The following FAM20A variants were observed in gnomAD, a reference collection of about 807,000 sequenced individuals.
FAM20A encodes the protein pseudokinase FAM20A.
FAM20A carries 42 observed loss-of-function variants against 52.0 expected under a neutral mutation model. The ratio of observed to expected loss-of-function variants is 0.81; its 90% confidence interval spans 0.63 to 1.04. The LOEUF (loss-of-function observed/expected upper bound fraction) is 1.04. FAM20A is among the 50% of genes least tolerant of loss of function. FAM20A has a pLI of 0.00. For synonymous variants in FAM20A, 304 were observed against 298.9 expected (o/e 1.02, Z -0.18); for missense variants, 742 against 712.7 (o/e 1.04, Z -0.47).
intron 1 of FAM20A, among the ~76,000 whole-genome samples, chr17:68,579,617 A>T (rs560117240): frequency 3.3e-5 from 5 of 152,300 alleles, no homozygotes; most frequent in South Asian, 2.1e-4. Context: ...TAATCCTGAA[A>T]TCGGAGTGGC....
chr17:68,585,662 C>A (rs1261702839), intron 1 of FAM20A, among the ~76,000 whole-genome samples: 1 of 152,092 alleles, frequency 6.6e-6, no homozygotes, highest in East Asian at 1.9e-4. Flanking sequence ...GGAGGGCTGC[C>A]CAAAGAATGT....
chr17:68,598,436 T>G (rs2088519076), intron 1 of FAM20A, among the ~76,000 whole-genome samples: 1 of 152,334 alleles, frequency 6.6e-6, no homozygotes, highest in African/African-American at 2.4e-5. Context: ...TTAACATTTA[T>G]AAGTGCAGCG....
At chr17:68,548,861 C>G (rs1051994363) in intron 4 of FAM20A, among the ~76,000 whole-genome samples, 1 of 150,720 alleles carries the variant, frequency 6.6e-6, no homozygotes, top group African/African-American at 2.4e-5. Context: ...GCCTCCCGAG[C>G]AGCTGGGACT....
intron 1 of FAM20A, among the ~76,000 whole-genome samples, chr17:68,585,164 G>A (rs11655628): frequency 0.17 from 25,392 of 152,142 alleles, 2,442 homozygotes; most frequent in East Asian, 0.35. Flanking sequence ...CTGGCCCTTA[G>A]ACCTGTGGCT....
At chr17:68,542,848 CAG>C in intron 5 of FAM20A, 39 bp from the exon 6 acceptor site, 2 of 1,504,492 alleles carry the variant, frequency 1.3e-6, no homozygotes, top group Non-Finnish European at 9.2e-7. Flanking sequence ...GAGGGATGAT[CAG>C]GGAGTGAGGA....
chr17:68,568,349 T>C (rs1379322700), intron 1 of FAM20A, among the ~76,000 whole-genome samples: 6 of 151,574 alleles, frequency 4.0e-5, no homozygotes, highest in Admixed American at 3.9e-4. Context: ...GCGCCTGTAG[T>C]CCCAGCTACT....
In FAM20A at chr17:68,536,879, T is replaced by C. The variant is rs1471581108; in HGVS notation, c.*598A>G. 2 of 454,164 alleles carry C rather than the reference T, an allele frequency of 4.4e-6. No individual in the cohort carries two copies. The highest frequency in any genetic ancestry group is 8.8e-6 in the Non-Finnish European group (2 of 226,804). The allele number at this position is 454,164 out of a possible 1,614,324, so 28.1% of individuals were successfully genotyped here. A position where few individuals can be genotyped will look rare whatever the true frequency, so the allele number is the denominator to read the frequency against. On this transcript the variant is annotated 3_prime_UTR_variant, in exon 11 of 11. Transcript: ENST00000592554. The stretch of plus-strand genomic sequence containing the variant: ...CAAATCCCTCTTTTATTTTTGCCAC[T>C]TGTTATAATATCTCTAAGAAGTTAC...
chr17:68,541,136 G>T, intron 7 of FAM20A, 178 bp from the exon 8 acceptor site: 1 of 824,862 alleles, frequency 1.2e-6, no homozygotes. Context: ...CATATTCCGT[G>T]TGGTGAGAAG....
intron 1 of FAM20A, among the ~76,000 whole-genome samples, chr17:68,595,888 C>T (rs1025788773): frequency 5.3e-5 from 8 of 152,146 alleles, no homozygotes; most frequent in Non-Finnish European, 1.2e-4. Flanking sequence ...CATGGGGGAG[C>T]TGGGGCAGGG....
At position 68,542,158 on chromosome 17, in the gene FAM20A, G is replaced by A. The variant is rs367996001; in HGVS notation, c.936C>T (p.Asn312=). Reference sequence around the variant, plus strand: ...ATGGACACTTGGCGAAGAAGCACACGTTGCTCGCTGGAGGATGGGGAGGAG... The same window carrying A: ...ATGGACACTTGGCGAAGAAGCACACATTGCTCGCTGGAGGATGGGGAGGAG... ...QSVFFVSPAS[N]VCFFAKCPYM... The change falls in exon 7 of 11, where the codon AAC becomes AAT. Residue 312 remains asparagine, a synonymous_variant. Transcript: ENST00000592554. 15 of 1,613,796 alleles carry A rather than the reference G, an allele frequency of 9.3e-6. No individual in the cohort carries two copies. The African/African-American group carries it at 1.2e-4, about 13-fold the overall frequency.
At chr17:68,591,893 TC>T (rs1487768274) in intron 1 of FAM20A, 1 of 152,236 alleles carries the variant, frequency 6.6e-6, no homozygotes, top group African/African-American at 2.4e-5. Context: ...CTTTCTTTTT[TC>T]CTTTTTGCCC....
intron 1 of FAM20A, among the ~76,000 whole-genome samples, chr17:68,571,221 A>T (rs1196283600): frequency 1.3e-5 from 2 of 152,218 alleles, no homozygotes; most frequent in Non-Finnish European, 2.9e-5. Context: ...AAAGAGCTGG[A>T]GCCATGTGCT....
At chr17:68,589,593 G>T (rs2088246880) in intron 1 of FAM20A, among the ~76,000 whole-genome samples, 1 of 151,962 alleles carries the variant, frequency 6.6e-6, no homozygotes, top group Non-Finnish European at 1.5e-5. Flanking sequence ...TCTTGGGTTT[G>T]GGCACATCAA....
rs1260126111 is a variant in FAM20A at position 68,535,396 on chromosome 17, G to T, written c.*2081C>A. The T allele has an allele frequency of 4.4e-6, 2 of 454,014 alleles. No homozygotes were observed. The highest frequency in any genetic ancestry group is 4.0e-5 in the African/African-American group (2 of 49,994). 28.1% of individuals were successfully genotyped at this position (454,014 alleles called of 1,614,324 possible). On this transcript the variant is annotated 3_prime_UTR_variant, in exon 11 of 11. Transcript: ENST00000592554. ...GGAAAACCAGTCCTTCGTTATAGGA[G>T]GTGGCGGGTTTTGAGGTAGAGCTGT...
chr17:68,591,244 G>A (rs972086178), intron 1 of FAM20A, among the ~76,000 whole-genome samples: 4 of 152,092 alleles, frequency 2.6e-5, no homozygotes, highest in Non-Finnish European at 4.4e-5. Flanking sequence ...GTAGCTGGGC[G>A]CCCGCCGCCA....
intron 1 of FAM20A, among the ~76,000 whole-genome samples, chr17:68,584,426 A>G (rs1045120005): frequency 6.6e-6 from 1 of 152,256 alleles, no homozygotes; most frequent in African/African-American, 2.4e-5. Context: ...AAAAGGCATT[A>G]AGTGGTGTTA....
intron 1 of FAM20A, among the ~76,000 whole-genome samples, chr17:68,582,026 C>T (rs2952309): frequency 0.012 from 1,780 of 152,146 alleles, 36 homozygotes; most frequent in African/African-American, 0.039. Flanking sequence ...GAGTAAGTGC[C>T]GCACAAGTGT....
chr17:68,597,757 G>C (rs1330859937), intron 1 of FAM20A, among the ~76,000 whole-genome samples: 2 of 152,152 alleles, frequency 1.3e-5, no homozygotes, highest in Non-Finnish European at 2.9e-5. Context: ...TCTGTGAAGA[G>C]AAAAACAATT....
chr17:68,548,882 A>G (rs1046070798), intron 4 of FAM20A, among the ~76,000 whole-genome samples: 12 of 151,338 alleles, frequency 7.9e-5, no homozygotes, highest in Non-Finnish European at 1.3e-4. Flanking sequence ...ACCGGCACCC[A>G]CCACCACGCC....
Sources: allele counts gnomAD v4.1 joint callset (sites outside exome capture counted in the v4.1 genomes callset), GRCh38; gene constraint gnomAD v4.1.1; transcripts MANE v1.5; gene names NCBI Gene and HGNC (gene_info 2026-07-23, HGNC 2026-07-21).